The following IPCEF1 variants were observed in gnomAD, a reference collection of about 807,000 sequenced individuals.
The protein encoded by IPCEF1 is interaction protein for cytohesin exchange factors 1, also known as interactor protein for cytohesin exchange factors 1.
Under a neutral mutation model 50.9 loss-of-function variants are expected in IPCEF1, and 31 were observed. That is an observed-to-expected ratio of 0.61 (90% CI 0.46 to 0.82). The LOEUF (loss-of-function observed/expected upper bound fraction) is 0.82. Among genes scored for constraint, IPCEF1 ranks in the 40% least tolerant of loss-of-function variants. The pLI is 0.00. For synonymous variants in IPCEF1, 181 were observed against 192.0 expected (o/e 0.94, Z 0.47); for missense variants, 458 against 514.0 (o/e 0.89, Z 1.05).
rs575326780 is a variant in IPCEF1 at position 154,353,041 on chromosome 6, GACCA to G, written c.-62+3627_-62+3630del. ...TTCATGTCATTCTAGGAATTAATCA[GACCA>G]GCCAGCCCCAGTGGGACCACGTTTC... On this transcript the variant is annotated intron_variant, in intron 1 of 11. Coordinates refer to ENST00000367220, the MANE Select transcript of IPCEF1 (RefSeq NM_001130700.2). Among the ~76,000 whole-genome samples, 25 of 152,254 alleles carry G rather than the reference GACCA, an allele frequency of 1.6e-4. No homozygotes were observed. The East Asian group carries it at 4.6e-3, about 28-fold the overall frequency.
At position 154,165,672 on chromosome 6, in the gene IPCEF1, G is replaced by C. The variant is rs1016979907; in HGVS notation, c.1104+2248C>G. ...GGCCCCCAATCTTCTCTGCTTCCTG[G>C]TATTCAAGGCCTTGTGTAATCTCCT... is the stretch of plus-strand genomic sequence containing the variant. On this transcript the variant is annotated intron_variant, in intron 11 of 11. Coordinates refer to ENST00000367220, the MANE Select transcript of IPCEF1 (RefSeq NM_001130700.2). Among the ~76,000 whole-genome samples, 24 of 152,300 alleles carry C rather than the reference G, an allele frequency of 1.6e-4. 1 individual carries two copies. The highest frequency in any genetic ancestry group is 3.3e-4 in the Admixed American group (5 of 15,300).
At position 154,278,468 on chromosome 6, in the gene IPCEF1, A is replaced by G. The variant is rs576929055; in HGVS notation, c.-18+11245T>C. 4.1e-4 allele frequency among the ~76,000 whole-genome samples: 63 copies of G among 152,204 alleles called. 2 individuals are homozygous for G. The highest frequency in any genetic ancestry group is 4.1e-4 in the Non-Finnish European group (28 of 68,042). On this transcript the variant is annotated intron_variant, in intron 2 of 11. Coordinates refer to ENST00000367220, the MANE Select transcript of IPCEF1 (RefSeq NM_001130700.2). ...TTGAAAGTAGAGATCCTCCGATCCT[A>G]GCCACCCCAGCTAAAGTCACATGGG...
chr6:154,200,932 G>A (rs2128592550), intron 9 of IPCEF1, among the ~76,000 whole-genome samples: 1 of 152,272 alleles, frequency 6.6e-6, no homozygotes, highest in African/African-American at 2.4e-5. Flanking sequence ...ATCCCCACAT[G>A]TCGAGGGAGG....
intron 1 of IPCEF1, among the ~76,000 whole-genome samples, chr6:154,318,310 T>C (rs1783278897): frequency 6.6e-6 from 1 of 152,206 alleles, no homozygotes; most frequent in South Asian, 2.1e-4. Context: ...ACTAATGACC[T>C]GTGCCTTTCA....
chr6:154,167,919 C>T lies in IPCEF1; in HGVS notation c.1104+1G>A. On this transcript the variant is annotated splice_donor_variant, in intron 11 of 11. Coordinates refer to ENST00000367220, the MANE Select transcript of IPCEF1 (RefSeq NM_001130700.2). LOFTEE classifies it high-confidence loss of function. ...TCATCCACAATTTGAAATTTTGTTA[C>T]CTTTAATGTGCTATTCAATGTTCGG... The T allele has an allele frequency of 3.8e-6, 6 of 1,580,948 alleles. No homozygotes were observed. The highest frequency in any genetic ancestry group is 4.3e-6 in the Non-Finnish European group (5 of 1,154,512).
chr6:154,216,629 G>T (rs1397573907), intron 7 of IPCEF1, among the ~76,000 whole-genome samples: 2 of 152,186 alleles, frequency 1.3e-5, no homozygotes, highest in Non-Finnish European at 2.9e-5. Context: ...CAGCACTTTG[G>T]GAGGCCAAGG....
chr6:154,313,854 C>T (rs1432084444), intron 1 of IPCEF1, among the ~76,000 whole-genome samples: 4 of 152,116 alleles, frequency 2.6e-5, no homozygotes, highest in African/African-American at 2.4e-5. Context: ...GGCAATCCTC[C>T]CTTCTCAGCC....
intron 2 of IPCEF1, among the ~76,000 whole-genome samples, chr6:154,273,127 G>A (rs1311016400): frequency 6.6e-6 from 1 of 152,136 alleles, no homozygotes; most frequent in Non-Finnish European, 1.5e-5. Flanking sequence ...AACAAAACAG[G>A]TCTGAACTAA....
At chr6:154,356,360 C>T (rs1784217681) in intron 1 of IPCEF1, among the ~76,000 whole-genome samples, 1 of 152,210 alleles carries the variant, frequency 6.6e-6, no homozygotes, top group African/African-American at 2.4e-5. Context: ...GACCCAAATA[C>T]ATGCTGAATT....
At chr6:154,221,035 G>A (rs1302206408) in intron 7 of IPCEF1, among the ~76,000 whole-genome samples, 1 of 152,112 alleles carries the variant, frequency 6.6e-6, no homozygotes, top group Non-Finnish European at 1.5e-5. Context: ...TTTCAACTTA[G>A]TGGTTCCCCG....
At chr6:154,252,797 T>C (rs1019738856) in intron 3 of IPCEF1, among the ~76,000 whole-genome samples, 2 of 152,130 alleles carry the variant, frequency 1.3e-5, no homozygotes, top group Admixed American at 6.5e-5. Context: ...TGAGTGGGAA[T>C]TGAAGAAATA....
At chr6:154,290,840 G>C (rs1782494748) in intron 1 of IPCEF1, among the ~76,000 whole-genome samples, 1 of 151,120 alleles carries the variant, frequency 6.6e-6, no homozygotes, top group African/African-American at 2.4e-5. Flanking sequence ...TGTGCACATA[G>C]ATTGAGAACT....
chr6:154,312,105 T>C (rs1304402412), intron 1 of IPCEF1, among the ~76,000 whole-genome samples: 1 of 152,226 alleles, frequency 6.6e-6, no homozygotes, highest in Non-Finnish European at 1.5e-5. Flanking sequence ...GTGATCTATA[T>C]GCACAATAGA....
chr6:154,187,484 G>C (rs1261067910), intron 10 of IPCEF1, among the ~76,000 whole-genome samples: 1 of 152,144 alleles, frequency 6.6e-6, no homozygotes, highest in African/African-American at 2.4e-5. Flanking sequence ...TGAATGAATG[G>C]AGTTCCCACA....
At chr6:154,331,338 G>A (rs989732274) in intron 1 of IPCEF1, among the ~76,000 whole-genome samples, 11 of 121,632 alleles carry the variant, frequency 9.0e-5, no homozygotes, top group South Asian at 2.8e-4. Flanking sequence ...AGGGAGGAAG[G>A]GAGGAAGGGG....
intron 2 of IPCEF1, among the ~76,000 whole-genome samples, chr6:154,288,945 G>T (rs1419197887): frequency 6.6e-6 from 1 of 151,838 alleles, no homozygotes; most frequent in Non-Finnish European, 1.5e-5. Context: ...TACTTGGGAG[G>T]CTGAGGTGAG....
intron 5 of IPCEF1, among the ~76,000 whole-genome samples, chr6:154,242,684 C>T (rs943139527): frequency 1.2e-4 from 18 of 152,060 alleles, no homozygotes; most frequent in East Asian, 1.9e-4. Flanking sequence ...GTCAGGAGTT[C>T]GAGACTAGCC....
chr6:154,291,034 C>T lies in IPCEF1; in HGVS notation c.-61-1278G>A, dbSNP rs942620077. On this transcript the variant is annotated intron_variant, in intron 1 of 11. Transcript: ENST00000367220. ...CCAGCCTCCTGAGTAGCTGGGATTA[C>T]AGGCACCTGCCACCACGCCTGGCTA... 2.6e-5 allele frequency among the ~76,000 whole-genome samples: 4 copies of T among 152,066 alleles called. No homozygotes were observed. The East Asian group carries it at 7.7e-4, about 29-fold the overall frequency.
intron 1 of IPCEF1, among the ~76,000 whole-genome samples, chr6:154,294,943 A>T (rs1229613398): frequency 6.6e-6 from 1 of 152,214 alleles, no homozygotes; most frequent in Non-Finnish European, 1.5e-5. Flanking sequence ...TCATGCCTGT[A>T]ATCCCAGCAC....
Sources: allele counts gnomAD v4.1 joint callset (sites outside exome capture counted in the v4.1 genomes callset), GRCh38; gene constraint gnomAD v4.1.1; transcripts MANE v1.5; gene names NCBI Gene and HGNC (gene_info 2026-07-23, HGNC 2026-07-21).